The following FLVCR1 variants were observed in gnomAD, a reference collection of about 807,000 sequenced individuals.
FLVCR1 encodes the protein choline/ethanolamine transporter FLVCR1.
FLVCR1 carries 34 observed loss-of-function variants against 53.6 expected under a neutral mutation model. The ratio of observed to expected loss-of-function variants is 0.63; its 90% CI spans 0.48 to 0.84. The LOEUF is 0.84. Ranked by LOEUF, FLVCR1 falls within the 40% of genes least tolerant of loss-of-function variation. FLVCR1 has a pLI of 0.00. For missense variants in FLVCR1, 677 were observed against 696.7 expected (o/e 0.97, Z 0.32); for synonymous variants, 300 against 286.3 (o/e 1.05, Z -0.48).
intron 8 of FLVCR1, among the ~76,000 whole-genome samples, chr1:212,894,625 T>C (rs1022239446): frequency 6.6e-6 from 1 of 152,194 alleles, no homozygotes; most frequent in Non-Finnish European, 1.5e-5. Context: ...TAATTTCCTT[T>C]GGCTGACATA....
intron 2 of FLVCR1, chr1:212,870,094 A>G (rs974131231): frequency 1.2e-4 from 19 of 152,256 alleles, no homozygotes; most frequent in African/African-American, 4.6e-4. Context: ...ACATCCTAAC[A>G]GTACAAGATC....
intron 2 of FLVCR1, among the ~76,000 whole-genome samples, chr1:212,870,536 A>G (rs1664565854): frequency 6.6e-6 from 1 of 152,096 alleles, no homozygotes; most frequent in African/African-American, 2.4e-5. Flanking sequence ...TAATTTCCAA[A>G]TGATTCCAGT....
intron 2 of FLVCR1, among the ~76,000 whole-genome samples, chr1:212,870,441 C>T (rs368656517): frequency 2.0e-5 from 3 of 152,056 alleles, no homozygotes; most frequent in Non-Finnish European, 2.9e-5. Context: ...TGGGGAGTTT[C>T]GTGTTTAAAA....
chr1:212,873,881 C>T (rs1444528103), intron 3 of FLVCR1, among the ~76,000 whole-genome samples: 1 of 152,098 alleles, frequency 6.6e-6, no homozygotes, highest in Non-Finnish European at 1.5e-5. Context: ...GTAGAAATTG[C>T]TAATCACCAA....
intron 6 of FLVCR1, among the ~76,000 whole-genome samples, 177 bp from the exon 7 acceptor site, chr1:212,888,312 A>G (rs1665110431): frequency 6.6e-6 from 1 of 152,216 alleles, no homozygotes; most frequent in South Asian, 2.1e-4. Flanking sequence ...TGTTGCTTCC[A>G]GTTCTGTAAC....
At chr1:212,868,867 CAT>C (rs1223867416) in intron 2 of FLVCR1, among the ~76,000 whole-genome samples, 1 of 152,026 alleles carries the variant, frequency 6.6e-6, no homozygotes, top group East Asian at 1.9e-4. Context: ...TATATTGTAT[CAT>C]GTAATCTTCA....
intron 8 of FLVCR1, among the ~76,000 whole-genome samples, chr1:212,893,639 G>C (rs546745592): frequency 6.6e-6 from 1 of 152,258 alleles, no homozygotes; most frequent in South Asian, 2.1e-4. Context: ...TGCCACAGCC[G>C]CTCCCACCTT....
intron 1 of FLVCR1, among the ~76,000 whole-genome samples, chr1:212,860,554 C>A (rs1259821621): frequency 6.6e-6 from 1 of 151,802 alleles, no homozygotes; most frequent in African/African-American, 2.4e-5. Flanking sequence ...AGTAGCATTT[C>A]TTGATCCCAT....
At chr1:212,876,404 C>T (rs6703612) in intron 3 of FLVCR1, among the ~76,000 whole-genome samples, 103,220 of 150,490 alleles carry the variant, frequency 0.69, 36,983 homozygotes, top group East Asian at 1. Context: ...AGTTTCACTC[C>T]TATTGCCCAG....
At chr1:212,883,650 C>T (rs1572023881) in intron 4 of FLVCR1, among the ~76,000 whole-genome samples, 2 of 152,234 alleles carry the variant, frequency 1.3e-5, no homozygotes, top group Admixed American at 1.3e-4. Flanking sequence ...GTTTATTGGA[C>T]AGCATCCCAT....
chr1:212,859,249 G>A, intron 1 of FLVCR1, 59 bp downstream of exon 1: 2 of 1,611,738 alleles, frequency 1.2e-6, no homozygotes, highest in Admixed American at 1.7e-5. Flanking sequence ...AAAGTCATAG[G>A]CCGTGAGAAC....
chr1:212,879,816 C>T (rs1307001707), intron 3 of FLVCR1, among the ~76,000 whole-genome samples: 1 of 152,126 alleles, frequency 6.6e-6, no homozygotes, highest in Non-Finnish European at 1.5e-5. Context: ...CTTGGCCTCC[C>T]AAAGTGCTGG....
rs554912635 is a variant in FLVCR1, at chr1:212,880,839, G to T, written c.1025-2532G>T. Among the ~76,000 whole-genome samples, 20 of 151,188 alleles carry T rather than the reference G, an allele frequency of 1.3e-4. No homozygotes were observed. In the East Asian group the frequency reaches 1.7e-3, roughly 13 times the overall value. ...GAAGTCCTGCTAAAAAACTTCAGTGGCCTGAAACATGAAAAGTTTATTTCT... is the reference window on the plus strand; with the variant it reads ...GAAGTCCTGCTAAAAAACTTCAGTGTCCTGAAACATGAAAAGTTTATTTCT... On this transcript the variant is annotated intron_variant, in intron 3 of 9. Transcript: ENST00000366971.
At chr1:212,865,449 C>T (rs868236158) in intron 2 of FLVCR1, among the ~76,000 whole-genome samples, 2 of 150,060 alleles carry the variant, frequency 1.3e-5, no homozygotes, top group Admixed American at 6.7e-5. Flanking sequence ...ATAGGAAATA[C>T]ATTTTGCATA....
At chr1:212,884,787 T>C (rs1264817549) in intron 4 of FLVCR1, among the ~76,000 whole-genome samples, 3 of 152,254 alleles carry the variant, frequency 2.0e-5, no homozygotes, top group African/African-American at 7.2e-5. Flanking sequence ...GGCTACGTGG[T>C]ATAGCCTATT....
intron 1 of FLVCR1, 128 bp from the exon 2 acceptor site, chr1:212,863,596 AG>A (rs1664315201): frequency 1.0e-5 from 9 of 860,640 alleles, no homozygotes; most frequent in Admixed American, 4.9e-5. Context: ...AAAAAAAAAA[AG>A]AACATAATAG....
rs1462668393 is a variant in FLVCR1, at chr1:212,858,373, G to T, written c.-80G>T. On this transcript the variant is annotated 5_prime_UTR_variant, in exon 1 of 10. Coordinates refer to ENST00000366971, the MANE Select transcript of FLVCR1 (RefSeq NM_014053.4). ...CGAGGGGTTGGAGGTGGGGCCCCAG[G>T]AGGACCTCGGGCTGTGGGCCGGGAG... 7.5e-7 allele frequency: 1 copy of T among 1,334,846 alleles called. No individual in the cohort carries two copies. Among genetic ancestry groups the T allele is most frequent in the Non-Finnish European group, 9.9e-7 (1 of 1,014,586 alleles). 82.7% of individuals were successfully genotyped at this position (1,334,846 alleles called of 1,614,324 possible).
chr1:212,891,418 C>T (rs1665190712), intron 8 of FLVCR1, among the ~76,000 whole-genome samples: 1 of 149,632 alleles, frequency 6.7e-6, no homozygotes, highest in African/African-American at 2.4e-5. Flanking sequence ...CCACTCCAGC[C>T]TGGGTGACAA....
intron 8 of FLVCR1, among the ~76,000 whole-genome samples, chr1:212,889,627 G>A (rs974462788): frequency 1.1e-4 from 16 of 152,068 alleles, no homozygotes; most frequent in African/African-American, 3.1e-4. Flanking sequence ...TTGTGGTGGC[G>A]CACACGTGTA....
Sources: allele counts gnomAD v4.1 joint callset (sites outside exome capture counted in the v4.1 genomes callset), GRCh38; gene constraint gnomAD v4.1.1; transcripts MANE v1.5; gene names NCBI Gene and HGNC (gene_info 2026-07-23, HGNC 2026-07-21).